MYRIP: variants seen among roughly 807,000 people sequenced by gnomAD.
MYRIP encodes the protein myosin VIIA and Rab interacting protein.
MYRIP carries 49 observed loss-of-function variants against 98.0 expected under a neutral mutation model. The ratio of observed to expected loss-of-function variants is 0.50; its 90% CI spans 0.40 to 0.63. The LOEUF is 0.63. Ranked by LOEUF, MYRIP falls within the 30% of genes least tolerant of loss-of-function variation. The pLI is 0.00. For missense variants in MYRIP, 1,004 were observed against 1,058.2 expected, an observed-to-expected ratio of 0.95 and a Z score of 0.71; for synonymous variants, 404 against 409.5, an observed-to-expected ratio of 0.99 and a Z score of 0.16.
chr3:40,091,725 C>A (rs1948740446), intron 3 of MYRIP, among the ~76,000 whole-genome samples: 1 of 152,166 alleles, frequency 6.6e-6, no homozygotes, highest in African/African-American at 2.4e-5. Context: ...CTTGTCACTT[C>A]TAATTCTCAC....
chr3:40,019,021 C>T (rs898856241), intron 2 of MYRIP, among the ~76,000 whole-genome samples: 17 of 152,164 alleles, frequency 1.1e-4, no homozygotes, highest in African/African-American at 4.1e-4. Flanking sequence ...CTGATGCTCT[C>T]AGCTTTTGTA....
At chr3:40,100,084 TAAG>T in intron 3 of MYRIP, 1 of 985,416 alleles carries the variant, frequency 1.0e-6, no homozygotes, top group Non-Finnish European at 1.2e-6. Context: ...TGTCTTTTCT[TAAG>T]AAGACTACCT....
chr3:40,254,448 G>T (rs912727297), intron 16 of MYRIP, among the ~76,000 whole-genome samples: 1 of 133,692 alleles, frequency 7.5e-6, no homozygotes, highest in Non-Finnish European at 1.6e-5. Context: ...AAAGAGTGGG[G>T]CAGGAGAACA....
chr3:39,945,848 A>G lies in MYRIP; in HGVS notation c.110+44922A>G, dbSNP rs533603174. Reference sequence around the variant, plus strand: ...AAAAGTAGTTCTTAAAAGAAATTATAAAAAGTACTAATATTCTGAGTATAA... The same window carrying G: ...AAAAGTAGTTCTTAAAAGAAATTATGAAAAGTACTAATATTCTGAGTATAA... On this transcript the variant is annotated intron_variant, in intron 2 of 16. Transcript: ENST00000302541. Among the ~76,000 whole-genome samples, 4 of 152,228 alleles carry G rather than the reference A, an allele frequency of 2.6e-5. No individual in the cohort carries two copies. The South Asian group carries it at 8.3e-4, about 32-fold the overall frequency.
intron 2 of MYRIP, among the ~76,000 whole-genome samples, chr3:40,037,690 G>A (rs1306845414): frequency 6.6e-6 from 1 of 151,798 alleles, no homozygotes. Flanking sequence ...TGCCTACCCT[G>A]AGATGGATGC....
intron 1 of MYRIP, among the ~76,000 whole-genome samples, chr3:39,829,351 T>C (rs915320128): frequency 1.3e-5 from 2 of 152,250 alleles, no homozygotes; most frequent in Non-Finnish European, 2.9e-5. Context: ...CAGTTGCCTC[T>C]TCCAATTCTA....
intron 2 of MYRIP, among the ~76,000 whole-genome samples, chr3:40,024,663 T>C (rs1200352532): frequency 6.6e-6 from 1 of 152,042 alleles, no homozygotes; most frequent in African/African-American, 2.4e-5. Flanking sequence ...AGTGTGATGA[T>C]CCCAGCTTTC....
Position 40,049,431 on chromosome 3 carries a change from A to G in MYRIP, c.332+5160A>G, listed in dbSNP as rs141518197. Among the ~76,000 whole-genome samples, 6 of 152,196 alleles carry G rather than the reference A, an allele frequency of 3.9e-5. No individual in the cohort carries two copies. In the East Asian group the frequency reaches 9.7e-4, roughly 25 times the overall value. ...GTAATCAGTGATCTTTGATGTTACT[A>G]TTATAATTGTTTGGGGGCACAACAA... On this transcript the variant is annotated intron_variant, in intron 3 of 16. Coordinates refer to ENST00000302541, the MANE Select transcript of MYRIP (RefSeq NM_015460.4).
At chr3:40,026,888 T>C (rs1395339319) in intron 2 of MYRIP, among the ~76,000 whole-genome samples, 1 of 152,142 alleles carries the variant, frequency 6.6e-6, no homozygotes, top group African/African-American at 2.4e-5. Flanking sequence ...TCAGCCTTTT[T>C]CCCTGAGCTT....
chr3:40,169,320 A>C (rs114158047), intron 7 of MYRIP, among the ~76,000 whole-genome samples: 3,664 of 152,296 alleles, frequency 0.024, 55 homozygotes, highest in Non-Finnish European at 0.039. Flanking sequence ...ACATTGGAGA[A>C]TATGCCCATC....
chr3:40,078,196 C>T (rs1276814215), intron 3 of MYRIP, among the ~76,000 whole-genome samples: 2 of 152,236 alleles, frequency 1.3e-5, no homozygotes, highest in South Asian at 2.1e-4. Flanking sequence ...TGCCCAGGGC[C>T]GGCAGGGCCA....
intron 1 of MYRIP, among the ~76,000 whole-genome samples, chr3:39,810,910 C>G (rs962870034): frequency 6.6e-6 from 1 of 152,210 alleles, no homozygotes; most frequent in Non-Finnish European, 1.5e-5. Flanking sequence ...TAGAAAATGC[C>G]TTGAGTCTGG....
chr3:39,929,186 G>T (rs1944487433), intron 2 of MYRIP, among the ~76,000 whole-genome samples: 1 of 151,974 alleles, frequency 6.6e-6, no homozygotes. Flanking sequence ...GAAATATTTA[G>T]ATGTCAATCT....
intron 5 of MYRIP, among the ~76,000 whole-genome samples, chr3:40,166,435 G>A (rs374651768): frequency 2.6e-5 from 4 of 152,262 alleles, no homozygotes; most frequent in South Asian, 2.1e-4. Flanking sequence ...GGAAGGGGCC[G>A]GGGGTATGGA....
intron 8 of MYRIP, among the ~76,000 whole-genome samples, chr3:40,179,838 C>T (rs1246069185): frequency 6.6e-6 from 1 of 152,202 alleles, no homozygotes; most frequent in Admixed American, 6.5e-5. Flanking sequence ...AGCAACCTAG[C>T]CAATCCCAAG....
At chr3:40,014,901 C>T (rs144016234) in intron 2 of MYRIP, among the ~76,000 whole-genome samples, 41 of 152,318 alleles carry the variant, frequency 2.7e-4, no homozygotes, top group African/African-American at 9.1e-4. Context: ...TTACCTCTGG[C>T]ACTTCATTGG....
At chr3:39,872,084 A>C (rs1942809683) in intron 1 of MYRIP, among the ~76,000 whole-genome samples, 1 of 151,998 alleles carries the variant, frequency 6.6e-6, no homozygotes, top group Non-Finnish European at 1.5e-5. Context: ...AATTTTTTCT[A>C]ATCTTCCAGC....
chr3:39,946,154 T>C (rs1033643649), intron 2 of MYRIP, among the ~76,000 whole-genome samples: 7 of 152,150 alleles, frequency 4.6e-5, no homozygotes, highest in Non-Finnish European at 1.0e-4. Flanking sequence ...TACTGCATAT[T>C]GTCCCAGTAA....
intron 3 of MYRIP, among the ~76,000 whole-genome samples, chr3:40,076,645 G>A (rs1170374669): frequency 6.6e-6 from 1 of 152,194 alleles, no homozygotes; most frequent in Non-Finnish European, 1.5e-5. Flanking sequence ...CCCAAAACAG[G>A]CACACATCAT....
Sources: allele counts gnomAD v4.1 joint callset (sites outside exome capture counted in the v4.1 genomes callset), GRCh38; gene constraint gnomAD v4.1.1; transcripts MANE v1.5; gene names NCBI Gene and HGNC (gene_info 2026-07-23, HGNC 2026-07-21).